PTGES3: variants seen among roughly 807,000 people sequenced by gnomAD.
PTGES3 encodes the protein prostaglandin E synthase 3.
Under a neutral mutation model 29.9 loss-of-function variants are expected in PTGES3, and 5 were observed. The observed-to-expected ratio is 0.17, with a 90% CI of 0.09 to 0.35. PTGES3 has a LOEUF of 0.35. Ranked by LOEUF, PTGES3 falls within the 10% of genes least tolerant of loss-of-function variation. The pLI is 1.00. For synonymous variants in PTGES3, 49 were observed against 57.8 expected, an observed-to-expected ratio of 0.85 and a Z score of 0.69; for missense variants, 128 against 190.0, an observed-to-expected ratio of 0.67 and a Z score of 1.92.
At chr12:56,680,572 G>A (rs1952485332) in intron 1 of PTGES3, among the ~76,000 whole-genome samples, 1 of 151,764 alleles carries the variant, frequency 6.6e-6, no homozygotes, top group Non-Finnish European at 1.5e-5. Flanking sequence ...GTAGAGATGG[G>A]GTTTCACCAC....
Position 56,663,484 on chromosome 12 carries a change from CTCT to C in PTGES3, c.*992_*994del, listed in dbSNP as rs1165635268. The C allele has an allele frequency of 6.6e-6, 1 of 152,324 alleles. No individual in the cohort carries two copies. The highest frequency in any genetic ancestry group is 2.4e-5 in the African/African-American group (1 of 41,456). 9.4% of individuals were successfully genotyped at this position (152,324 alleles called of 1,614,324 possible). ...GGTTTCCTGTGACATTACAGCAAGC[CTCT>C]TTTTTCAAACAGAGGAATAATCCCA... On this transcript the variant is annotated 3_prime_UTR_variant, in exon 8 of 8. Coordinates refer to ENST00000262033, the MANE Select transcript of PTGES3 (RefSeq NM_006601.7).
intron 1 of PTGES3, 78 bp from the exon 2 acceptor site, chr12:56,673,143 A>G: frequency 2.2e-6 from 2 of 903,324 alleles, no homozygotes; most frequent in Middle Eastern, 2.2e-4. Flanking sequence ...CGACACCATT[A>G]TAGCATTATT....
chr12:56,666,107 A>T (rs1951775708), intron 6 of PTGES3, 97 bp downstream of exon 6: 13 of 1,395,368 alleles, frequency 9.3e-6, no homozygotes, highest in Non-Finnish European at 1.2e-5. Context: ...AGAAAATAAG[A>T]AGTAATTGTG....
intron 5 of PTGES3, among the ~76,000 whole-genome samples, chr12:56,667,619 G>C (rs555518155): frequency 1.3e-5 from 2 of 152,288 alleles, no homozygotes; most frequent in Admixed American, 1.3e-4. Flanking sequence ...GATTATGTAA[G>C]ATACCTAAGA....
chr12:56,688,107 G>A lies in PTGES3; in HGVS notation c.-108C>T, dbSNP rs1952974783. The A allele has an allele frequency of 7.0e-7, 1 of 1,428,000 alleles. No individual in the cohort carries two copies. The highest frequency in any genetic ancestry group is 2.8e-5 in the East Asian group (1 of 35,874). 88.5% of individuals were successfully genotyped at this position (1,428,000 alleles called of 1,614,324 possible). ...GTGGCGACTCCGCTTTTTCTCTCCG[G>A]TCGCGGCCTCTTCTCGCTTCCCTCA... On this transcript the variant is annotated 5_prime_UTR_variant, in exon 1 of 8. Transcript: ENST00000262033.
chr12:56,666,890 G>A lies in PTGES3; in HGVS notation c.376-624C>T, dbSNP rs1951810079. ...GATCCACCCACCTTGGCCTCCCAAA[G>A]TGCTGGGATTACAGGCGTGAACCAC... is the stretch of plus-strand genomic sequence containing the variant. On this transcript the variant is annotated intron_variant, in intron 5 of 7. Transcript: ENST00000262033. Among the ~76,000 whole-genome samples, 3 of 152,140 alleles carry A rather than the reference G, an allele frequency of 2.0e-5. 1 individual carries two copies. Among genetic ancestry groups the A allele is most frequent in the Admixed American group, 2.0e-4 (3 of 15,262 alleles).
intron 5 of PTGES3, among the ~76,000 whole-genome samples, chr12:56,666,837 G>A (rs181847170): frequency 2.6e-5 from 4 of 152,150 alleles, no homozygotes; most frequent in Admixed American, 1.3e-4. Flanking sequence ...ATGTTGCCCA[G>A]GCTGGTCTCG....
intron 5 of PTGES3, among the ~76,000 whole-genome samples, chr12:56,669,675 G>C (rs1020848): frequency 0.7 from 106,544 of 152,052 alleles, 37,503 homozygotes; most frequent in South Asian, 0.79. Context: ...CCAGTGGCAC[G>C]ATCTCGGCTC....
At chr12:56,666,823 C>T (rs1271653370) in intron 5 of PTGES3, among the ~76,000 whole-genome samples, 5 of 151,960 alleles carry the variant, frequency 3.3e-5, no homozygotes, top group Non-Finnish European at 4.4e-5. Context: ...CACGGGGTTT[C>T]ACCATGTTGC....
At chr12:56,668,703 T>C (rs1951876887) in intron 5 of PTGES3, among the ~76,000 whole-genome samples, 1 of 152,234 alleles carries the variant, frequency 6.6e-6, no homozygotes, top group Non-Finnish European at 1.5e-5. Context: ...AATAAGCAGT[T>C]GCATAAAGCT....
rs761996722 is a variant in PTGES3, at chr12:56,666,188, G to A, written c.438+16C>T. The A allele has an allele frequency of 6.3e-7, 1 of 1,598,700 alleles. No individual in the cohort carries two copies. Among genetic ancestry groups the A allele is most frequent in the Non-Finnish European group, 8.5e-7 (1 of 1,173,654 alleles). ...ATAGTATGAAAGTAAACAGAAAAAAGAATTTTTAGACTTACATCATCTGCT... is the reference window on the plus strand; with the variant it reads ...ATAGTATGAAAGTAAACAGAAAAAAAAATTTTTAGACTTACATCATCTGCT... On this transcript the variant is annotated intron_variant, in intron 6 of 7. Coordinates refer to ENST00000262033, the MANE Select transcript of PTGES3 (RefSeq NM_006601.7).
chr12:56,688,065 G>A lies in PTGES3; in HGVS notation c.-66C>T. 6.8e-7 allele frequency: 1 copy of A among 1,467,806 alleles called. No homozygotes were observed. Among genetic ancestry groups the A allele is most frequent in the South Asian group, 1.4e-5 (1 of 74,006 alleles). 90.9% of individuals were successfully genotyped at this position (1,467,806 alleles called of 1,614,324 possible). ...CTCTCTGGCGGCGGCTGCTGCTAGG[G>A]AGTCGACTTCTCTCCGGTGGCGACT... On this transcript the variant is annotated 5_prime_UTR_variant, in exon 1 of 8. Coordinates refer to ENST00000262033, the MANE Select transcript of PTGES3 (RefSeq NM_006601.7).
At chr12:56,682,399 T>TA (rs1034760956) in intron 1 of PTGES3, among the ~76,000 whole-genome samples, 8 of 151,800 alleles carry the variant, frequency 5.3e-5, no homozygotes, top group African/African-American at 7.2e-5. Flanking sequence ...CCCCCGTCTC[T>TA]AAAAAAAATT....
At chr12:56,680,206 A>G (rs1020116151) in intron 1 of PTGES3, among the ~76,000 whole-genome samples, 48 of 150,570 alleles carry the variant, frequency 3.2e-4, no homozygotes, top group African/African-American at 1.2e-3. Context: ...CAATGAGTAG[A>G]TGGAACTACA....
intron 1 of PTGES3, among the ~76,000 whole-genome samples, chr12:56,684,178 C>G (rs1336491988): frequency 3.3e-5 from 5 of 151,962 alleles, no homozygotes; most frequent in Admixed American, 6.6e-5. Flanking sequence ...TGAAAAGAGA[C>G]AATCGCTAAC....
At chr12:56,678,831 A>T (rs1486455513) in intron 1 of PTGES3, among the ~76,000 whole-genome samples, 2 of 152,168 alleles carry the variant, frequency 1.3e-5, no homozygotes, top group Non-Finnish European at 2.9e-5. Context: ...ATCAGCATGG[A>T]ATAGGCTGGG....
chr12:56,681,891 G>A (rs893352729), intron 1 of PTGES3, among the ~76,000 whole-genome samples: 1 of 151,968 alleles, frequency 6.6e-6, no homozygotes. Flanking sequence ...ACCCAGGCTG[G>A]AGTGCAGCAG....
intron 5 of PTGES3, among the ~76,000 whole-genome samples, chr12:56,669,826 G>A (rs1027785087): frequency 2.6e-5 from 4 of 151,328 alleles, no homozygotes; most frequent in African/African-American, 4.9e-5. Context: ...TGGCCCGTAT[G>A]ATCTAGATCT....
chr12:56,683,146 A>AAGACCAGCCT (rs1367183701), intron 1 of PTGES3, among the ~76,000 whole-genome samples: 4 of 151,794 alleles, frequency 2.6e-5, no homozygotes, highest in Admixed American at 1.3e-4. Flanking sequence ...TCAGGAGTTC[A>AAGACCAGCCT]AGACCAGCCT....
Sources: gnomAD v4.1 joint callset for allele counts (sites outside exome capture counted in the v4.1 genomes callset) on GRCh38, gnomAD v4.1.1 for gene constraint, MANE v1.5 for transcripts, NCBI Gene and HGNC (gene_info 2026-07-23, HGNC 2026-07-21) for gene names.